The following RARB variants were observed in gnomAD, a reference collection of about 807,000 sequenced individuals.
The protein encoded by RARB is HBV-activated protein.
Under a neutral mutation model 51.9 loss-of-function variants are expected in RARB, and 17 were observed. That is an observed-to-expected ratio of 0.33 (90% CI 0.22 to 0.49). RARB has a LOEUF of 0.49. Ranked by LOEUF, RARB falls within the 20% of genes least tolerant of loss-of-function variation. The probability of loss-of-function intolerance (pLI) is 0.99; values close to 1 mark genes in which losing one functional copy is unlikely to be tolerated. For missense variants in RARB, 369 were observed against 550.8 expected, an observed-to-expected ratio of 0.67 and a Z score of 3.30; for synonymous variants, 215 against 195.4, an observed-to-expected ratio of 1.10 and a Z score of -0.84.
At chr3:25,324,061 T>C (rs1031843404) in intron 5 of RARB, 1 of 152,114 alleles carries the variant, frequency 6.6e-6, no homozygotes, top group Non-Finnish European at 1.5e-5. Context: ...ATCATTGATT[T>C]CTAGTCTCGG....
chr3:25,300,118 G>A (rs1258048803), intron 5 of RARB, among the ~76,000 whole-genome samples: 4 of 152,196 alleles, frequency 2.6e-5, no homozygotes, highest in African/African-American at 9.6e-5. Flanking sequence ...AATAATTTGA[G>A]AACCACTGCT....
chr3:24,957,108 G>T (rs897676790), intron 2 of RARB, among the ~76,000 whole-genome samples: 2 of 152,164 alleles, frequency 1.3e-5, no homozygotes, highest in Admixed American at 1.3e-4. Flanking sequence ...TTGCCAGAGA[G>T]GGCCTTCACC....
chr3:24,864,889 A>G (rs1702819181), intron 2 of RARB, among the ~76,000 whole-genome samples: 1 of 152,160 alleles, frequency 6.6e-6, no homozygotes, highest in East Asian at 1.9e-4. Flanking sequence ...TTTTTGATTC[A>G]AGTTATTTGC....
At chr3:24,992,669 C>T (rs992701686) in intron 2 of RARB, among the ~76,000 whole-genome samples, 1 of 152,066 alleles carries the variant, frequency 6.6e-6, no homozygotes, top group South Asian at 2.1e-4. Context: ...AGTCTTTCTC[C>T]TTGGCTTATA....
At chr3:25,045,599 C>A (rs1053366729) in intron 2 of RARB, among the ~76,000 whole-genome samples, 1 of 152,074 alleles carries the variant, frequency 6.6e-6, no homozygotes, top group South Asian at 2.1e-4. Flanking sequence ...GGTTTGTGTA[C>A]CAGAACAATG....
At chr3:25,036,646 C>G (rs750109456) in intron 2 of RARB, among the ~76,000 whole-genome samples, 3 of 152,162 alleles carry the variant, frequency 2.0e-5, no homozygotes, top group Non-Finnish European at 4.4e-5. Flanking sequence ...ACCTGGACCT[C>G]AGGCTTTGTG....
intron 2 of RARB, among the ~76,000 whole-genome samples, chr3:24,890,878 A>AT (rs1703364287): frequency 6.6e-6 from 1 of 152,058 alleles, no homozygotes; most frequent in Non-Finnish European, 1.5e-5. Context: ...GTTTGGGTCC[A>AT]TTTACCAGCT....
chr3:25,496,516 A>G (rs571896763), intron 2 of RARB, among the ~76,000 whole-genome samples: 1 of 152,210 alleles, frequency 6.6e-6, no homozygotes, highest in African/African-American at 2.4e-5. Flanking sequence ...ACTTGATGGC[A>G]CTGAGACACC....
At chr3:25,376,689 C>G (rs1162771260) in intron 5 of RARB, among the ~76,000 whole-genome samples, 1 of 152,234 alleles carries the variant, frequency 6.6e-6, no homozygotes, top group Non-Finnish European at 1.5e-5. Context: ...TTGAACTTTT[C>G]TCCCCAGGTC....
chr3:25,557,222 G>A (rs1345595205), intron 3 of RARB, among the ~76,000 whole-genome samples: 1 of 151,580 alleles, frequency 6.6e-6, no homozygotes, highest in Non-Finnish European at 1.5e-5. Flanking sequence ...TATAGGTTAT[G>A]TCTACATCAG....
Position 25,581,149 on chromosome 3 carries a change from C to A in RARB, c.786+427C>A, listed in dbSNP as rs528524363. ...TAAACATTCAAGCTTCCTGTGCGAC[C>A]ACCACACACGGGGACCTCTCTCCTC... On this transcript the variant is annotated intron_variant, in intron 5 of 7. Coordinates refer to ENST00000330688, the MANE Select transcript of RARB (RefSeq NM_000965.5). Among the ~76,000 whole-genome samples the A allele has an allele frequency of 4.6e-5, 7 of 152,306 alleles. No homozygotes were observed. The South Asian group carries it at 1.2e-3, about 27-fold the overall frequency.
intron 5 of RARB, among the ~76,000 whole-genome samples, chr3:25,188,336 A>G (rs1220323052): frequency 6.6e-6 from 1 of 152,164 alleles, no homozygotes; most frequent in Non-Finnish European, 1.5e-5. Flanking sequence ...AATGTGTTTA[A>G]TAATTATTTA....
rs142329103 is a variant in RARB at position 24,915,459 on chromosome 3, C to G, written c.-380+56707C>G. ...ATTCTGAGGAGCTATATTTCCACTG[C>G]TCAATAGCCACATGTGGCTAATGGC... On this transcript the variant is annotated intron_variant, in intron 2 of 11. Transcript: ENST00000383772. 2.5e-3 allele frequency among the ~76,000 whole-genome samples: 380 copies of G among 152,266 alleles called. 3 individuals carry two copies. The highest frequency in any genetic ancestry group is 0.024 in the Middle Eastern group (7 of 294).
At chr3:25,531,654 T>A (rs1011522073) in intron 3 of RARB, among the ~76,000 whole-genome samples, 4 of 151,476 alleles carry the variant, frequency 2.6e-5, no homozygotes, top group Non-Finnish European at 5.9e-5. Context: ...CATCCAGAAG[T>A]GCTACAGTTT....
chr3:25,438,503 T>C (rs1708529108), intron 1 of RARB, among the ~76,000 whole-genome samples: 1 of 152,196 alleles, frequency 6.6e-6, no homozygotes. Context: ...TTTAATGAAA[T>C]GCTACTCTAA....
chr3:24,973,444 A>G (rs1245724603), intron 2 of RARB, among the ~76,000 whole-genome samples: 1 of 151,952 alleles, frequency 6.6e-6, no homozygotes, highest in Admixed American at 6.6e-5. Flanking sequence ...TGCTTTGACT[A>G]TTTGAGGTCT....
intron 5 of RARB, among the ~76,000 whole-genome samples, chr3:25,381,403 T>C (rs79318706): frequency 0.01 from 1,583 of 152,314 alleles, 35 homozygotes; most frequent in African/African-American, 0.036. Context: ...GTGCACACTT[T>C]AGCTGTGTAA....
intron 5 of RARB, among the ~76,000 whole-genome samples, chr3:25,373,076 C>T (rs960057117): frequency 6.6e-6 from 1 of 152,108 alleles, no homozygotes; most frequent in East Asian, 1.9e-4. Context: ...AAGGCACATG[C>T]TCTGATTTGG....
At chr3:25,143,026 A>G (rs190538496) in intron 4 of RARB, among the ~76,000 whole-genome samples, 1 of 152,326 alleles carries the variant, frequency 6.6e-6, no homozygotes, top group Non-Finnish European at 1.5e-5. Flanking sequence ...TGGAGCAGGC[A>G]GAAAAGTTGA....
Sources: gnomAD v4.1 joint callset for allele counts (sites outside exome capture counted in the v4.1 genomes callset) on GRCh38, gnomAD v4.1.1 for gene constraint, MANE v1.5 for transcripts, NCBI Gene and HGNC (gene_info 2026-07-23, HGNC 2026-07-21) for gene names.